The following TGM6 variants were observed in gnomAD, a reference collection of about 807,000 sequenced individuals.
TGM6 encodes transglutaminase 6, also known as protein-glutamine gamma-glutamyltransferase 6.
In TGM6, 74 loss-of-function variants were observed where a neutral mutation model predicts 77.5. That is an observed-to-expected ratio of 0.96 (90% CI 0.79 to 1.16). The LOEUF is 1.16. Among genes scored for constraint, TGM6 ranks in the 50% most tolerant of loss-of-function variants. The pLI is 0.00. For synonymous variants in TGM6, 383 were observed against 378.9 expected, an observed-to-expected ratio of 1.01 and a Z score of -0.12; for missense variants, 968 against 940.2, an observed-to-expected ratio of 1.03 and a Z score of -0.39.
At position 2,432,620 on chromosome 20, in the gene TGM6, G is replaced by A. The variant is rs749238511; in HGVS notation, c.2098G>A (p.Val700Ile). ...CCCGGACATCAAGGGCTTTGTGATC[G>A]TCCATGTGGCCACTGCCAAGTGATG... ...HFPDIKGFVI[V>I]HVATAK is the part of the protein sequence containing the mutation. The change falls in exon 13 of 13, where the codon GTC (valine) becomes ATC (isoleucine). Residue 700 changes from valine (V) to isoleucine (I), a missense_variant. Transcript: ENST00000202625. 63 of 1,614,034 alleles carry A rather than the reference G, an allele frequency of 3.9e-5. 1 individual carries two copies. The highest frequency in any genetic ancestry group is 7.7e-5 in the South Asian group (7 of 91,082).
intron 1 of TGM6, among the ~76,000 whole-genome samples, chr20:2,391,435 G>T (rs532650714): frequency 6.6e-6 from 1 of 151,832 alleles, no homozygotes; most frequent in Non-Finnish European, 1.5e-5. Flanking sequence ...TATGTGCGAC[G>T]TCGGGGCAGG....
chr20:2,407,839 TC>T (rs1373565310), intron 9 of TGM6, among the ~76,000 whole-genome samples: 1 of 152,064 alleles, frequency 6.6e-6, no homozygotes, highest in East Asian at 1.9e-4. Flanking sequence ...GTAGAGACCC[TC>T]CTGAGTGTCA....
At chr20:2,387,311 G>T (rs1334471267) in intron 1 of TGM6, among the ~76,000 whole-genome samples, 1 of 152,206 alleles carries the variant, frequency 6.6e-6, no homozygotes, top group Non-Finnish European at 1.5e-5. Flanking sequence ...TGATGTGAAA[G>T]ATTTGGTTTT....
At chr20:2,397,226 G>T (rs2084675276) in intron 4 of TGM6, among the ~76,000 whole-genome samples, 1 of 152,212 alleles carries the variant, frequency 6.6e-6, no homozygotes, top group Non-Finnish European at 1.5e-5. Flanking sequence ...GGCAGGATCT[G>T]CCCAGGCAGA....
intron 5 of TGM6, 84 bp downstream of exon 5, chr20:2,398,130 A>T: frequency 6.2e-7 from 1 of 1,608,318 alleles, no homozygotes. Context: ...GATTCTTCCC[A>T]TCACCCCTTG....
At chr20:2,388,445 G>A (rs971580058) in intron 1 of TGM6, among the ~76,000 whole-genome samples, 14 of 152,104 alleles carry the variant, frequency 9.2e-5, no homozygotes, top group African/African-American at 3.4e-4. Flanking sequence ...ACCAACTCAG[G>A]AGGCAGATTC....
At position 2,427,149 on chromosome 20, in the gene TGM6, G is replaced by A. The variant is rs575748496; in HGVS notation, c.1679-3297G>A. ...GGATTAATGTGTTCTGGTTTGGAAG[G>A]TTATTAAGTACTGATTCCATTTTTT... On this transcript the variant is annotated intron_variant, in intron 10 of 12. Transcript: ENST00000202625. 1.7e-4 allele frequency among the ~76,000 whole-genome samples: 26 copies of A among 152,230 alleles called. No individual in the cohort carries two copies. In the South Asian group the frequency reaches 5.4e-3, roughly 32 times the overall value.
chr20:2,405,576 C>G (rs1413129179), intron 9 of TGM6, among the ~76,000 whole-genome samples: 2 of 152,192 alleles, frequency 1.3e-5, no homozygotes, highest in Admixed American at 6.5e-5. Context: ...GTGGGTGCTG[C>G]TGCCCTAGTT....
intron 10 of TGM6, among the ~76,000 whole-genome samples, chr20:2,418,493 A>G (rs1851789258): frequency 6.6e-6 from 1 of 152,144 alleles, no homozygotes; most frequent in Non-Finnish European, 1.5e-5. Context: ...CAGGACCCAA[A>G]TCCAGGCAGT....
At chr20:2,399,156 A>AAAAAG (rs1555799792) in intron 5 of TGM6, among the ~76,000 whole-genome samples, 3 of 146,520 alleles carry the variant, frequency 2.0e-5, no homozygotes, top group Non-Finnish European at 3.0e-5. Context: ...AAAAAAAAAA[A>AAAAAG]AGAATAATGA....
At chr20:2,396,463 G>A in intron 3 of TGM6, 43 bp from the exon 4 acceptor site, 1 of 1,600,132 alleles carries the variant, frequency 6.2e-7, no homozygotes, top group Non-Finnish European at 8.6e-7. Context: ...GGCCAGCAAG[G>A]CCAGAGCCCC....
chr20:2,431,108 G>T, intron 12 of TGM6, 81 bp downstream of exon 12: 1 of 1,579,530 alleles, frequency 6.3e-7, no homozygotes, highest in Non-Finnish European at 8.6e-7. Flanking sequence ...CCAGGGATGG[G>T]GGTGTGAGAG....
At chr20:2,390,098 C>A (rs992285518) in intron 1 of TGM6, among the ~76,000 whole-genome samples, 13 of 152,202 alleles carry the variant, frequency 8.5e-5, no homozygotes, top group African/African-American at 3.1e-4. Context: ...TAAGTCCTCT[C>A]TAATATTGTC....
chr20:2,392,923 G>A (rs1301274562), intron 1 of TGM6, among the ~76,000 whole-genome samples: 2 of 152,162 alleles, frequency 1.3e-5, no homozygotes, highest in Non-Finnish European at 2.9e-5. Context: ...AGGTGCTTCA[G>A]CCAGTAGATG....
At chr20:2,389,015 CA>C (rs1392565600) in intron 1 of TGM6, among the ~76,000 whole-genome samples, 1 of 152,214 alleles carries the variant, frequency 6.6e-6, no homozygotes, top group African/African-American at 2.4e-5. Context: ...GGTACATTTT[CA>C]GCAAGAGATG....
chr20:2,430,810 C>T, intron 11 of TGM6, 84 bp from the exon 12 acceptor site: 1 of 1,611,448 alleles, frequency 6.2e-7, no homozygotes, highest in South Asian at 1.1e-5. Flanking sequence ...GACTAATGAT[C>T]CATCCTCTAA....
At chr20:2,391,842 C>T (rs538744897) in intron 1 of TGM6, among the ~76,000 whole-genome samples, 5 of 152,234 alleles carry the variant, frequency 3.3e-5, no homozygotes, top group Admixed American at 6.5e-5. Flanking sequence ...GGTGGTCTGC[C>T]GACTATGGGC....
chr20:2,414,940 G>T (rs1055792525), intron 9 of TGM6, among the ~76,000 whole-genome samples: 3 of 140,514 alleles, frequency 2.1e-5, no homozygotes, highest in African/African-American at 2.7e-5. Context: ...AATTTGGGGG[G>T]GGGGGTGAAA....
intron 1 of TGM6, among the ~76,000 whole-genome samples, chr20:2,388,042 C>G (rs2084607582): frequency 6.6e-6 from 1 of 152,176 alleles, no homozygotes; most frequent in African/African-American, 2.4e-5. Context: ...GCTGTATTAA[C>G]TTTTATAATC....
Sources: allele counts gnomAD v4.1 joint callset (sites outside exome capture counted in the v4.1 genomes callset), GRCh38; gene constraint gnomAD v4.1.1; transcripts MANE v1.5; gene names NCBI Gene and HGNC (gene_info 2026-07-23, HGNC 2026-07-21).